Variants in PACRG observed in about 807,000 individuals in gnomAD.
PACRG encodes parkin coregulated.
A neutral mutation model predicts 29.7 loss-of-function variants in PACRG; 29 were observed. The observed-to-expected ratio is 0.98, with a 90% CI of 0.73 to 1.33. The LOEUF (loss-of-function observed/expected upper bound fraction) is 1.33. Among genes scored for constraint, PACRG ranks in the 40% most tolerant of loss-of-function variants. The pLI is 0.00. For missense variants in PACRG, 279 were observed against 316.2 expected (o/e 0.88, Z 0.89); for synonymous variants, 116 against 118.7 (o/e 0.98, Z 0.15).
intron 2 of PACRG, among the ~76,000 whole-genome samples, chr6:163,057,190 G>T (rs1028391328): frequency 5.9e-5 from 9 of 152,224 alleles, no homozygotes; most frequent in African/African-American, 2.4e-5. Context: ...CTTTAGACTT[G>T]CAGACAGCAA....
chr6:162,913,159 G>T (rs1305912018), intron 2 of PACRG, among the ~76,000 whole-genome samples: 1 of 152,070 alleles, frequency 6.6e-6, no homozygotes, highest in Non-Finnish European at 1.5e-5. Context: ...CTAATTCAAG[G>T]TGTACAATCT....
intron 4 of PACRG, among the ~76,000 whole-genome samples, chr6:163,274,138 G>A (rs891003719): frequency 1.3e-5 from 2 of 151,836 alleles, no homozygotes; most frequent in African/African-American, 2.4e-5. Context: ...CCATTAACTC[G>A]TCATTTACAT....
At chr6:163,269,978 AG>A (rs1783754413) in intron 4 of PACRG, among the ~76,000 whole-genome samples, 1 of 110,198 alleles carries the variant, frequency 9.1e-6, no homozygotes, top group Non-Finnish European at 1.9e-5. Flanking sequence ...AAAGAAAGAA[AG>A]AAAGAAAGAA....
chr6:163,067,547 C>T (rs1037440807), intron 3 of PACRG, among the ~76,000 whole-genome samples: 1 of 152,096 alleles, frequency 6.6e-6, no homozygotes, highest in South Asian at 2.1e-4. Context: ...AAAACACTTT[C>T]AGTAAGGCAA....
intron 2 of PACRG, among the ~76,000 whole-genome samples, chr6:163,005,802 A>C (rs34348407): frequency 0.021 from 3,128 of 148,922 alleles, 117 homozygotes; most frequent in African/African-American, 0.072. Context: ...TGTTATATAT[A>C]TACAACATAG....
At chr6:162,973,369 C>T (rs1250800359) in intron 2 of PACRG, among the ~76,000 whole-genome samples, 2 of 152,210 alleles carry the variant, frequency 1.3e-5, no homozygotes, top group Non-Finnish European at 1.5e-5. Flanking sequence ...TGCGATCTTT[C>T]CATCTAATGC....
At chr6:162,832,245 T>C (rs761458053) in intron 2 of PACRG, among the ~76,000 whole-genome samples, 8 of 152,242 alleles carry the variant, frequency 5.3e-5, no homozygotes, top group Non-Finnish European at 1.2e-4. Context: ...GATTTGCATT[T>C]CTCTAATGAT....
At chr6:163,073,878 T>C (rs1246850694) in intron 3 of PACRG, among the ~76,000 whole-genome samples, 12 of 152,168 alleles carry the variant, frequency 7.9e-5, no homozygotes, top group African/African-American at 2.9e-4. Flanking sequence ...AAAACTATAA[T>C]GAGATATCTT....
intron 1 of PACRG, among the ~76,000 whole-genome samples, chr6:162,760,835 T>C (rs1186757369): frequency 2.0e-5 from 3 of 152,054 alleles, no homozygotes; most frequent in African/African-American, 7.2e-5. Flanking sequence ...GAGTATACCA[T>C]TGTGCTCTGT....
chr6:163,225,611 G>A (rs1401600516), intron 4 of PACRG, among the ~76,000 whole-genome samples: 1 of 152,172 alleles, frequency 6.6e-6, no homozygotes, highest in Non-Finnish European at 1.5e-5. Context: ...CTGTTAGTGG[G>A]AGTGTAAATT....
At chr6:163,018,920 T>G (rs1256111581) in intron 2 of PACRG, among the ~76,000 whole-genome samples, 1 of 152,204 alleles carries the variant, frequency 6.6e-6, no homozygotes, top group Non-Finnish European at 1.5e-5. Context: ...TAAAAAATCC[T>G]CTTTTTTGTC....
At chr6:163,224,846 T>C (rs904382187) in intron 4 of PACRG, among the ~76,000 whole-genome samples, 1 of 152,082 alleles carries the variant, frequency 6.6e-6, no homozygotes, top group Non-Finnish European at 1.5e-5. Flanking sequence ...ACTAGATAAA[T>C]GGGATTATAT....
chr6:163,211,083 T>A (rs539069855), intron 4 of PACRG, among the ~76,000 whole-genome samples: 5 of 152,162 alleles, frequency 3.3e-5, no homozygotes, highest in Non-Finnish European at 7.3e-5. Context: ...TATCACAGAA[T>A]CTTTCTCTCC....
intron 2 of PACRG, chr6:163,051,573 T>G (rs1810016411): frequency 6.6e-6 from 1 of 152,128 alleles, no homozygotes; most frequent in African/African-American, 2.4e-5. Flanking sequence ...TGTCTTTCTG[T>G]TTCCACAGAC....
chr6:162,829,428 T>C (rs935809664), intron 2 of PACRG, among the ~76,000 whole-genome samples: 8 of 152,378 alleles, frequency 5.3e-5, no homozygotes, highest in Non-Finnish European at 1.2e-4. Context: ...AGACGTGCAC[T>C]ATTCATTTGT....
chr6:163,218,401 C>T (rs866514472), intron 4 of PACRG, among the ~76,000 whole-genome samples: 1 of 151,880 alleles, frequency 6.6e-6, no homozygotes, highest in East Asian at 1.9e-4. Context: ...CCTTTTTGCC[C>T]CCACATCCCC....
Position 162,947,617 on chromosome 6 carries a change from T to TATATAATC in PACRG, c.292-114528_292-114527insATCATATA, listed in dbSNP as rs1271951687. ...AATCATATATATATATAATCATATATATATATATATATATATATATATATA... is the reference window on the plus strand; with the variant it reads ...AATCATATATATATATAATCATATATATATAATCATATATATATATATATATATATATA... On this transcript the variant is annotated intron_variant, in intron 2 of 4. Coordinates refer to ENST00000366888, the MANE Select transcript of PACRG (RefSeq NM_001080379.2). Among the ~76,000 whole-genome samples the TATATAATC allele has an allele frequency of 3.2e-3, 122 of 38,320 alleles. 4 individuals are homozygous for TATATAATC. Among genetic ancestry groups the TATATAATC allele is most frequent in the South Asian group, 6.6e-3 (6 of 912 alleles). The allele number at this position is 38,320 out of a possible 152,430, so 25.1% of individuals were successfully genotyped here.
At chr6:163,310,648 C>A (rs1228786500) in intron 4 of PACRG, 1 of 152,192 alleles carries the variant, frequency 6.6e-6, no homozygotes, top group Non-Finnish European at 1.5e-5. Flanking sequence ...CTTCCTTCAC[C>A]TTCGATTTTT....
chr6:162,911,513 AC>A (rs1334261515), intron 2 of PACRG, among the ~76,000 whole-genome samples: 1 of 152,214 alleles, frequency 6.6e-6, no homozygotes, highest in Non-Finnish European at 1.5e-5. Context: ...TGAAATAGCT[AC>A]TGCATTTAGG....
Sources: allele counts gnomAD v4.1 joint callset (sites outside exome capture counted in the v4.1 genomes callset), GRCh38; gene constraint gnomAD v4.1.1; transcripts MANE v1.5; gene names NCBI Gene and HGNC (gene_info 2026-07-23, HGNC 2026-07-21).